Variants in STK32A observed in about 807,000 individuals in gnomAD.
STK32A encodes serine/threonine-protein kinase 32A.
A neutral mutation model predicts 53.2 loss-of-function variants in STK32A; 41 were observed. The ratio of observed to expected loss-of-function variants is 0.77; its 90% CI spans 0.60 to 1.00. STK32A has a LOEUF of 1.00. Ranked by LOEUF, STK32A falls within the 50% of genes least tolerant of loss-of-function variation. The probability of loss-of-function intolerance (pLI) is 0.00; values close to 1 mark genes in which losing one functional copy is unlikely to be tolerated. For missense variants in STK32A, 458 were observed against 485.8 expected (o/e 0.94, Z 0.54); for synonymous variants, 166 against 162.8 (o/e 1.02, Z -0.15).
chr5:147,383,853 A>G lies in STK32A; in HGVS notation c.1098-37A>G, dbSNP rs1369992990. ...CTTAAACCTTTCATTTTATTTTTCAAAGAATAAAACATCTTTTTTTTTCTT... is the reference window on the plus strand; with the variant it reads ...CTTAAACCTTTCATTTTATTTTTCAGAGAATAAAACATCTTTTTTTTTCTT... On this transcript the variant is annotated intron_variant, in intron 12 of 12. Transcript: ENST00000397936. 4 of 1,397,586 alleles carry G rather than the reference A, an allele frequency of 2.9e-6. No individual in the cohort carries two copies. The South Asian group carries it at 4.0e-5, about 14-fold the overall frequency. 86.6% of individuals were successfully genotyped at this position (1,397,586 alleles called of 1,614,324 possible).
rs116747230 is a variant in STK32A at position 147,332,537 on chromosome 5, A to G, written c.434+8466A>G. On this transcript the variant is annotated intron_variant, in intron 5 of 12. Coordinates refer to ENST00000397936, the MANE Select transcript of STK32A (RefSeq NM_001112724.2). ...CTTGATGCTGGCTTTCTTTCAGTGT[A>G]TTGATAAAAGTTTCTATTTGTTGCA... 9.1e-3 allele frequency among the ~76,000 whole-genome samples: 1,387 copies of G among 152,190 alleles called. 22 individuals are homozygous for G. Among genetic ancestry groups the G allele is most frequent in the African/African-American group, 0.031 (1,305 of 41,522 alleles).
Position 147,333,045 on chromosome 5 carries a change from C to A in STK32A, c.434+8974C>A, listed in dbSNP as rs114547045. On this transcript the variant is annotated intron_variant, in intron 5 of 12. Coordinates refer to ENST00000397936, the MANE Select transcript of STK32A (RefSeq NM_001112724.2). ...TTAATATGCAACCTGTGATTTGGTCCAAGTTAAATTTTACTTTGCCCAGAA... is the reference window on the plus strand; with the variant it reads ...TTAATATGCAACCTGTGATTTGGTCAAAGTTAAATTTTACTTTGCCCAGAA... Among the ~76,000 whole-genome samples the A allele has an allele frequency of 9.0e-3, 1,374 of 152,250 alleles. 21 individuals carry two copies. Among genetic ancestry groups the A allele is most frequent in the African/African-American group, 0.031 (1,291 of 41,552 alleles).
intron 5 of STK32A, among the ~76,000 whole-genome samples, chr5:147,325,750 C>T (rs1395896995): frequency 6.6e-6 from 1 of 152,182 alleles, no homozygotes; most frequent in African/African-American, 2.4e-5. Context: ...TTCTCAAGCA[C>T]TCATCTTCCC....
At chr5:147,365,796 C>G (rs1756718968) in intron 8 of STK32A, among the ~76,000 whole-genome samples, 1 of 152,156 alleles carries the variant, frequency 6.6e-6, no homozygotes, top group Admixed American at 6.5e-5. Flanking sequence ...AAACGACTAT[C>G]TGTTATTCTT....
intron 4 of STK32A, among the ~76,000 whole-genome samples, chr5:147,314,764 A>C (rs1753909105): frequency 6.9e-6 from 1 of 145,482 alleles, no homozygotes; most frequent in Non-Finnish European, 1.5e-5. Context: ...TTGAGACAGA[A>C]TCTTGCTCTA....
chr5:147,342,720 A>C, intron 5 of STK32A: 1 of 414,102 alleles, frequency 2.4e-6, no homozygotes, highest in Non-Finnish European at 4.3e-6. Flanking sequence ...ACAACATGCT[A>C]TAGGAAGTTT....
At position 147,339,447 on chromosome 5, in the gene STK32A, G is replaced by A. The variant is rs1593175; in HGVS notation, c.435-3559G>A. On this transcript the variant is annotated intron_variant, in intron 5 of 12. Coordinates refer to ENST00000397936, the MANE Select transcript of STK32A (RefSeq NM_001112724.2). The stretch of plus-strand genomic sequence containing the variant: ...TATGGAGAACCTCTGCTAGGGCAGC[G>A]TGGAAGGGAAATATGGGGTGGGAAC... 4.4e-3 allele frequency among the ~76,000 whole-genome samples: 676 copies of A among 152,364 alleles called. 6 individuals are homozygous for A. The highest frequency in any genetic ancestry group is 0.015 in the African/African-American group (638 of 41,584).
intron 5 of STK32A, among the ~76,000 whole-genome samples, chr5:147,325,583 T>C (rs537099421): frequency 2.6e-5 from 4 of 152,324 alleles, no homozygotes; most frequent in African/African-American, 9.6e-5. Context: ...GCCCTCTACA[T>C]TTAGTTTTTA....
chr5:147,357,363 A>G (rs936456107), intron 7 of STK32A, among the ~76,000 whole-genome samples: 4 of 152,098 alleles, frequency 2.6e-5, no homozygotes, highest in Admixed American at 1.3e-4. Flanking sequence ...ATATTACCAC[A>G]GTATTTCTTT....
intron 2 of STK32A, among the ~76,000 whole-genome samples, chr5:147,274,169 G>A (rs1389216236): frequency 3.3e-5 from 5 of 152,186 alleles, no homozygotes; most frequent in Non-Finnish European, 7.3e-5. Flanking sequence ...ATACTGTACA[G>A]ATACAATGGC....
intron 11 of STK32A, 102 bp downstream of exon 11, chr5:147,375,320 G>T: frequency 7.0e-7 from 1 of 1,430,916 alleles, no homozygotes; most frequent in Non-Finnish European, 9.3e-7. Flanking sequence ...TCCTGCTTTT[G>T]CTGCTTAGTG....
intron 4 of STK32A, among the ~76,000 whole-genome samples, chr5:147,310,119 G>T (rs2151970486): frequency 6.6e-6 from 1 of 152,272 alleles, no homozygotes; most frequent in East Asian, 1.9e-4. Context: ...CTGCGTTCCT[G>T]GTAGCGTTTC....
the STK32A span, chr5:147,394,145 C>G: frequency 6.2e-7 from 1 of 1,609,030 alleles, no homozygotes; most frequent in East Asian, 2.2e-5. Context: ...AATAAATTCC[C>G]AGGGGGAAAA....
At chr5:147,243,793 C>T in intron 2 of STK32A, among the ~76,000 whole-genome samples, 1 of 128,144 alleles carries the variant, frequency 7.8e-6, no homozygotes, top group East Asian at 2.1e-4. Flanking sequence ...TAAATTAGAT[C>T]TCAAATTATA....
At chr5:147,366,245 TG>T (rs989118546) in intron 8 of STK32A, among the ~76,000 whole-genome samples, 1 of 152,214 alleles carries the variant, frequency 6.6e-6, no homozygotes, top group Non-Finnish European at 1.5e-5. Context: ...AAGCATCTCT[TG>T]GGTTTTTTAA....
the STK32A span, chr5:147,399,156 C>G: frequency 1.9e-6 from 3 of 1,614,242 alleles, no homozygotes; most frequent in Non-Finnish European, 2.5e-6. Flanking sequence ...TCAGAACCCA[C>G]AGATATTCTT....
At chr5:147,375,403 A>C in intron 11 of STK32A, 185 bp downstream of exon 11, 1 of 574,812 alleles carries the variant, frequency 1.7e-6, no homozygotes, top group African/African-American at 1.9e-5. Context: ...TAGCAGCAAC[A>C]TTTTACTTGT....
At chr5:147,325,939 A>G (rs762797888) in intron 5 of STK32A, among the ~76,000 whole-genome samples, 1 of 152,190 alleles carries the variant, frequency 6.6e-6, no homozygotes, top group Non-Finnish European at 1.5e-5. Flanking sequence ...TTGAGAAACC[A>G]GCATGGCCTC....
the STK32A span, among the ~76,000 whole-genome samples, chr5:147,394,681 AC>A: frequency 6.5e-5 from 9 of 137,904 alleles, no homozygotes; most frequent in South Asian, 4.9e-4. Context: ...AACAACAACA[AC>A]AAAAAAAAAA....
Sources: allele counts gnomAD v4.1 joint callset (sites outside exome capture counted in the v4.1 genomes callset), GRCh38; gene constraint gnomAD v4.1.1; transcripts MANE v1.5; gene names NCBI Gene and HGNC (gene_info 2026-07-23, HGNC 2026-07-21).